The following EXT2 variants were observed in gnomAD, a reference collection of about 807,000 sequenced individuals.
EXT2 encodes exostosin-2.
In EXT2, 53 loss-of-function variants were observed where a neutral mutation model predicts 81.6. The ratio of observed to expected loss-of-function variants is 0.65; its 90% CI spans 0.52 to 0.82. The LOEUF (loss-of-function observed/expected upper bound fraction) is 0.82, where lower values mean the gene tolerates loss of function less well. EXT2 is among the 40% of genes least tolerant of loss of function. The probability of loss-of-function intolerance (pLI) is 0.00; values close to 1 mark genes in which losing one functional copy is unlikely to be tolerated. For synonymous variants in EXT2, 320 were observed against 340.0 expected, an observed-to-expected ratio of 0.94 and a Z score of 0.65; for missense variants, 774 against 910.2, an observed-to-expected ratio of 0.85 and a Z score of 1.93.
intron 9 of EXT2, among the ~76,000 whole-genome samples, chr11:44,202,464 T>A (rs147666136): frequency 6.6e-6 from 1 of 152,226 alleles, no homozygotes; most frequent in Non-Finnish European, 1.5e-5. Flanking sequence ...AGTTCCATGT[T>A]CTTTTGTTTT....
At chr11:44,183,727 C>G (rs1590628894) in intron 8 of EXT2, among the ~76,000 whole-genome samples, 1 of 151,730 alleles carries the variant, frequency 6.6e-6, no homozygotes, top group Non-Finnish European at 1.5e-5. Flanking sequence ...GTGTTTTTTA[C>G]CCATTCATCA....
At chr11:44,109,477 C>A (rs1193861204) in intron 3 of EXT2, among the ~76,000 whole-genome samples, 194 bp downstream of exon 3, 1 of 152,202 alleles carries the variant, frequency 6.6e-6, no homozygotes, top group Non-Finnish European at 1.5e-5. Flanking sequence ...GGGCTTATGT[C>A]CTGGCATAGC....
chr11:44,108,851 G>A (rs1954099963), intron 2 of EXT2, among the ~76,000 whole-genome samples: 1 of 152,046 alleles, frequency 6.6e-6, no homozygotes, highest in Non-Finnish European at 1.5e-5. Flanking sequence ...GGGTTGCATA[G>A]TATTCCATTT....
intron 4 of EXT2, among the ~76,000 whole-genome samples, chr11:44,121,176 A>G (rs1185135740): frequency 1.3e-5 from 2 of 152,228 alleles, no homozygotes; most frequent in Non-Finnish European, 2.9e-5. Context: ...AAGAGTAGTA[A>G]GGTAGCCTGG....
chr11:44,142,319 GT>G (rs1317994140), intron 7 of EXT2, among the ~76,000 whole-genome samples: 1 of 152,192 alleles, frequency 6.6e-6, no homozygotes, highest in African/African-American at 2.4e-5. Context: ...TCTTGGGAAT[GT>G]TTAGACAACA....
At chr11:44,197,294 C>T (rs1345219517) in intron 8 of EXT2, among the ~76,000 whole-genome samples, 1 of 151,200 alleles carries the variant, frequency 6.6e-6, no homozygotes, top group Non-Finnish European at 1.5e-5. Context: ...GCTTCTCTTA[C>T]CTCACAAGGT....
At chr11:44,175,986 A>G (rs971281026) in intron 8 of EXT2, among the ~76,000 whole-genome samples, 2 of 152,354 alleles carry the variant, frequency 1.3e-5, no homozygotes, top group East Asian at 1.9e-4. Flanking sequence ...TGTGTGAACA[A>G]GTGATAACTC....
chr11:44,171,614 C>T lies in EXT2; in HGVS notation c.1177C>T (p.Arg393Trp), dbSNP rs145903120. ...AACAGCATTATTTTCTTTATAGGCC[C>T]GGTGGTTCTGGGAAGCGTACTTCCA... ...RQIEEMQRQA[R>W]WFWEAYFQSI... The change falls in exon 8 of 14, where the codon CGG becomes TGG. Residue 393 changes from arginine to tryptophan, a missense_variant. By Grantham distance (101) the Arg-to-Trp change is moderately radical. Transcript: ENST00000533608. 24 of 1,614,126 alleles carry T rather than the reference C, an allele frequency of 1.5e-5. No individual in the cohort carries two copies. The highest frequency in any genetic ancestry group is 1.6e-4 in the Middle Eastern group (1 of 6,062).
chr11:44,212,823 G>A (rs1955667561), intron 10 of EXT2, among the ~76,000 whole-genome samples: 2 of 152,156 alleles, frequency 1.3e-5, no homozygotes, highest in South Asian at 4.2e-4. Flanking sequence ...GTCAGATGTA[G>A]GAGGCTACTG....
chr11:44,147,279 G>C (rs1954731195), intron 7 of EXT2, among the ~76,000 whole-genome samples: 1 of 152,210 alleles, frequency 6.6e-6, no homozygotes, highest in Non-Finnish European at 1.5e-5. Flanking sequence ...CCTTGGCCCA[G>C]ATAAAGTCAT....
intron 4 of EXT2, among the ~76,000 whole-genome samples, chr11:44,122,340 G>T (rs1954330544): frequency 6.6e-6 from 1 of 152,048 alleles, no homozygotes; most frequent in African/African-American, 2.4e-5. Flanking sequence ...TTCCCTGCTT[G>T]TCTTGTGGGT....
At chr11:44,178,167 G>T (rs1955184479) in intron 8 of EXT2, among the ~76,000 whole-genome samples, 1 of 152,260 alleles carries the variant, frequency 6.6e-6, no homozygotes, top group African/African-American at 2.4e-5. Context: ...GTGCCATGGG[G>T]CAGTGGTTCT....
rs992594486 is a variant in EXT2, at chr11:44,251,708, T to A, written c.*7421T>A. 1.4e-4 allele frequency among the ~76,000 whole-genome samples: 22 copies of A among 152,228 alleles called. No individual in the cohort carries two copies. The highest frequency in any genetic ancestry group is 5.9e-4 in the Admixed American group (9 of 15,286). ...CCAGAAGAAAGTAAATTTTCATTTATGTTTTTAAGTCTATTGTCTTAAAAA... is the reference window on the plus strand; with the variant it reads ...CCAGAAGAAAGTAAATTTTCATTTAAGTTTTTAAGTCTATTGTCTTAAAAA... On this transcript the variant is annotated 3_prime_UTR_variant, in exon 14 of 14. Coordinates refer to ENST00000533608, the MANE Select transcript of EXT2 (RefSeq NM_207122.2).
At chr11:44,124,240 GC>G (rs1590567392) in intron 4 of EXT2, among the ~76,000 whole-genome samples, 1 of 152,144 alleles carries the variant, frequency 6.6e-6, no homozygotes, top group East Asian at 1.9e-4. Flanking sequence ...TTTCCCTATA[GC>G]CTCTCCATTG....
intron 9 of EXT2, among the ~76,000 whole-genome samples, chr11:44,203,423 C>G (rs145415342): frequency 2.6e-5 from 4 of 152,272 alleles, no homozygotes; most frequent in African/African-American, 9.6e-5. Context: ...ACAGGCCAAA[C>G]TTGACAAGCA....
intron 7 of EXT2, among the ~76,000 whole-genome samples, chr11:44,138,220 A>G (rs1420149369): frequency 6.6e-6 from 1 of 152,192 alleles, no homozygotes; most frequent in African/African-American, 2.4e-5. Context: ...GACGGTAACT[A>G]ACAAGCGGAA....
chr11:44,211,009 AAAG>A (rs1955641142), intron 10 of EXT2, among the ~76,000 whole-genome samples: 2 of 152,254 alleles, frequency 1.3e-5, no homozygotes, highest in South Asian at 2.1e-4. Context: ...CAATTTTTTA[AAAG>A]AAGAACAAAG....
chr11:44,133,931 G>T (rs569938182), intron 7 of EXT2, among the ~76,000 whole-genome samples: 1 of 152,114 alleles, frequency 6.6e-6, no homozygotes, highest in East Asian at 1.9e-4. Context: ...ACCTGACAAA[G>T]AAAGGAAATT....
chr11:44,244,322 G>T lies in EXT2; in HGVS notation c.*35G>T. 1 of 1,612,776 alleles carries T rather than the reference G, an allele frequency of 6.2e-7. No homozygotes were observed. The highest frequency in any genetic ancestry group is 1.3e-5 in the African/African-American group (1 of 75,012). On this transcript the variant is annotated 3_prime_UTR_variant, in exon 14 of 14. Transcript: ENST00000533608. ...TTGGTGGAGGTCTGAATGTGAGGCT[G>T]GGACAGAGGGAGAGAACAAGGCCTC...
Sources: allele counts gnomAD v4.1 joint callset (sites outside exome capture counted in the v4.1 genomes callset), GRCh38; gene constraint gnomAD v4.1.1; transcripts MANE v1.5; gene names NCBI Gene and HGNC (gene_info 2026-07-23, HGNC 2026-07-21).